Variants in GNAS observed in about 807,000 individuals in gnomAD.
GNAS encodes GNAS complex locus, also known as protein ALEX.
Under a neutral mutation model 54.5 loss-of-function variants are expected in GNAS, and 8 were observed. The ratio of observed to expected loss-of-function variants is 0.15; its 90% CI spans 0.09 to 0.26. GNAS has a LOEUF of 0.26. Among genes scored for constraint, GNAS ranks in the 10% least tolerant of loss-of-function variants. The probability of loss-of-function intolerance (pLI) is 1.00; values close to 1 mark genes in which losing one functional copy is unlikely to be tolerated. For synonymous variants in GNAS, 204 were observed against 191.4 expected (o/e 1.07, Z -0.54); for missense variants, 170 against 529.8 (o/e 0.32, Z 6.67).
chr20:58,842,179 G>A (rs1157780880), intron 1 of GNAS: 15 of 398,536 alleles, frequency 3.8e-5, no homozygotes, highest in African/African-American at 1.4e-4. Context: ...ATCTGGTAAC[G>A]CACCTTCGGA....
intron 1 of GNAS, among the ~76,000 whole-genome samples, chr20:58,844,679 C>A (rs2085875267): frequency 1.5e-5 from 1 of 66,234 alleles, no homozygotes. Context: ...TGACTCTACA[C>A]TAGTGATTTA....
intron 1 of GNAS, chr20:58,895,070 A>G (rs2089915736): frequency 5.6e-6 from 1 of 178,100 alleles, no homozygotes; most frequent in Admixed American, 5.6e-5. Context: ...CTGCACAGAA[A>G]GAAGCTGCGT....
chr20:58,883,442 G>A (rs774725081), intron 1 of GNAS, among the ~76,000 whole-genome samples: 5 of 152,174 alleles, frequency 3.3e-5, no homozygotes, highest in Admixed American at 1.3e-4. Context: ...ACCCTGGGAC[G>A]TGGCTGTGGG....
At chr20:58,844,225 T>C (rs1477087385) in intron 1 of GNAS, among the ~76,000 whole-genome samples, 1 of 152,234 alleles carries the variant, frequency 6.6e-6, no homozygotes, top group African/African-American at 2.4e-5. Flanking sequence ...CCTAACTGCT[T>C]ACCTGGAAGG....
chr20:58,855,029 C>T lies in GNAS; in HGVS notation c.43+14143C>T, dbSNP rs777608471. 6.2e-6 allele frequency: 10 copies of T among 1,612,910 alleles called. No individual in the cohort carries two copies. The South Asian group carries it at 9.9e-5, about 16-fold the overall frequency. On this transcript the variant is annotated intron_variant, in intron 1 of 12. Coordinates refer to the GNAS transcript ENST00000306090. The stretch of plus-strand genomic sequence containing the variant: ...AGTCCGACGATGGGACCTCCGGATG[C>T]CTCCGCTGGTTTCAGCATCGGCGAA...
chr20:58,840,471 A>G (rs190395960), upstream of GNAS: 2 of 1,613,462 alleles, frequency 1.2e-6, no homozygotes, highest in Non-Finnish European at 1.7e-6. This position sits in a 1 kb window ranked among gnomAD's most constrained non-coding sequence, Gnocchi z 6.0. Flanking sequence ...ATCGAGTCCG[A>G]GACCGACTTC....
Position 58,891,593 on chromosome 20 carries a change from C to T in GNAS, c.-134C>T. ...CCCGCGGCCCGCAGTCCGCCCCGCG[C>T]GCTCCTTGCCGAGGAGCCGAGCCCG... On this transcript the variant is annotated 5_prime_UTR_variant, in exon 1 of 13. Transcript: ENST00000371085. The T allele has an allele frequency of 6.2e-6, 6 of 971,646 alleles. No homozygotes were observed. The highest frequency in any genetic ancestry group is 7.3e-6 in the Non-Finnish European group (6 of 822,650). 60.2% of individuals were successfully genotyped at this position (971,646 alleles called of 1,614,324 possible). A position where few individuals can be genotyped will look rare whatever the true frequency, so the allele number is the denominator to read the frequency against.
chr20:58,871,306 GTAAA>G (rs2087429286), intron 1 of GNAS, among the ~76,000 whole-genome samples: 2 of 152,148 alleles, frequency 1.3e-5, no homozygotes, highest in Non-Finnish European at 2.9e-5. Flanking sequence ...AAGGAAAGAA[GTAAA>G]TAGAGATTAA....
chr20:58,841,847 A>T lies in GNAS; in HGVS notation c.43+961A>T. 2.4e-6 allele frequency: 3 copies of T among 1,230,992 alleles called. No homozygotes were observed. Among genetic ancestry groups the T allele is most frequent in the Non-Finnish European group, 3.0e-6 (3 of 987,958 alleles). The allele number at this position is 1,230,992 out of a possible 1,614,324, so 76.3% of individuals were successfully genotyped here. On this transcript the variant is annotated intron_variant, in intron 1 of 12. Transcript: ENST00000306090. This position sits in a 1 kb window ranked among gnomAD's most constrained non-coding sequence, Gnocchi z 5.0. ...TGGGCTGTTTGCGCAGGACCTCTGG[A>T]GGCCCTCGAGATCGTCGCAAGTGGA...
chr20:58,868,022 C>CTTTTT (rs370255144), intron 1 of GNAS, among the ~76,000 whole-genome samples: 1,821 of 132,500 alleles, frequency 0.014, 50 homozygotes, highest in African/African-American at 0.044. Flanking sequence ...TTCTTTCTTT[C>CTTTTT]TTTTTTTTTT....
intron 2 of GNAS, chr20:58,897,782 A>AT (rs1172834464): frequency 6.6e-6 from 1 of 152,202 alleles, no homozygotes; most frequent in African/African-American, 2.4e-5. Context: ...GGGAGCCTAG[A>AT]TACCTTATTT....
intron 1 of GNAS, among the ~76,000 whole-genome samples, chr20:58,862,219 A>G (rs2086818176): frequency 6.7e-6 from 1 of 150,214 alleles, no homozygotes; most frequent in South Asian, 2.1e-4. Context: ...GTACAGTGGC[A>G]TGATCTCGGC....
chr20:58,844,181 T>G (rs2085851637), intron 1 of GNAS: 1 of 152,214 alleles, frequency 6.6e-6, no homozygotes, highest in African/African-American at 2.4e-5. Flanking sequence ...GAGAGGAAAC[T>G]GAGCAGAAAC....
At chr20:58,846,234 G>A (rs897025927) in intron 1 of GNAS, among the ~76,000 whole-genome samples, 2 of 152,172 alleles carry the variant, frequency 1.3e-5, no homozygotes, top group East Asian at 1.9e-4. Flanking sequence ...GTCGTTTGAA[G>A]GAATAAAGAG....
At position 58,841,766 on chromosome 20, in the gene GNAS, C is replaced by A; in HGVS notation, c.43+880C>A. 1 of 1,230,092 alleles carries A rather than the reference C, an allele frequency of 8.1e-7. No homozygotes were observed. Among genetic ancestry groups the A allele is most frequent in the Non-Finnish European group, 1.0e-6 (1 of 987,460 alleles). The allele number at this position is 1,230,092 out of a possible 1,614,324, so 76.2% of individuals were successfully genotyped here. A position where few individuals can be genotyped will look rare whatever the true frequency, so the allele number is the denominator to read the frequency against. Reference sequence around the variant, plus strand: ...ATGGTCACGTCGGGGTATTGCCAAGCTTTTGGCGCAGCTGGTCGGGTGGCC... The same window carrying A: ...ATGGTCACGTCGGGGTATTGCCAAGATTTTGGCGCAGCTGGTCGGGTGGCC... On this transcript the variant is annotated intron_variant, in intron 1 of 12. Transcript: ENST00000306090. This position sits in a 1 kb window ranked among gnomAD's most constrained non-coding sequence, Gnocchi z 5.0.
chr20:58,868,971 TC>T (rs1267306419), intron 1 of GNAS, among the ~76,000 whole-genome samples: 1 of 152,012 alleles, frequency 6.6e-6, no homozygotes, highest in Admixed American at 6.6e-5. Flanking sequence ...AGAACCCGCA[TC>T]CCCCTCCCTA....
Position 58,909,646 on chromosome 20 carries a change from C to G in GNAS, c.719-38C>G, listed in dbSNP as rs760404806. ...CTTCTGTGTTGTTAGGGATCAGGGT[C>G]GCTGCTCACGCTCTTGGCTTTGCTC... On this transcript the variant is annotated intron_variant, in intron 9 of 12. Coordinates refer to ENST00000371085, the MANE Select transcript of GNAS (RefSeq NM_000516.7). The surrounding 1 kb of genome is among the most constrained non-coding windows in gnomAD (Gnocchi z 7.3). 6.2e-7 allele frequency: 1 copy of G among 1,613,996 alleles called. No individual in the cohort carries two copies. Among genetic ancestry groups the G allele is most frequent in the African/African-American group, 1.3e-5 (1 of 74,918 alleles).
At position 58,857,451 on chromosome 20, in the gene GNAS, G is replaced by A. The variant is rs1306990109; in HGVS notation, c.43+16565G>A. On this transcript the variant is annotated intron_variant, in intron 1 of 12. Transcript: ENST00000306090. This position sits in a 1 kb window ranked among gnomAD's most constrained non-coding sequence, Gnocchi z 4.1. ...TTTCAATATTCCAAGCACAGCTCTG[G>A]GAAGCAAACCTGTAGATTGGGGGTG... Among the ~76,000 whole-genome samples the A allele has an allele frequency of 6.6e-6, 1 of 152,166 alleles. No homozygotes were observed. Among genetic ancestry groups the A allele is most frequent in the Non-Finnish European group, 1.5e-5 (1 of 68,032 alleles).
chr20:58,882,006 C>T (rs1226950171), intron 1 of GNAS, among the ~76,000 whole-genome samples: 2 of 152,204 alleles, frequency 1.3e-5, no homozygotes, highest in African/African-American at 4.8e-5. Context: ...GTTAGATTGT[C>T]TCTTTTCCCT....
Sources: allele counts gnomAD v4.1 joint callset (sites outside exome capture counted in the v4.1 genomes callset), GRCh38; gene constraint gnomAD v4.1.1; non-coding constraint Gnocchi (gnomAD v3.1); transcripts MANE v1.5; gene names NCBI Gene and HGNC (gene_info 2026-07-23, HGNC 2026-07-21).